Variants in LRRC37A3 observed in about 807,000 individuals in gnomAD.
LRRC37A3 encodes leucine-rich repeat-containing protein 37A3.
In LRRC37A3, 25 loss-of-function variants were observed where a neutral mutation model predicts 106.2. That is an observed-to-expected ratio of 0.24 (90% CI 0.17 to 0.33). The LOEUF is 0.33. Ranked by LOEUF, LRRC37A3 falls within the 10% of genes least tolerant of loss-of-function variation. The probability of loss-of-function intolerance (pLI) is 1.00; values close to 1 mark genes in which losing one functional copy is unlikely to be tolerated. For synonymous variants in LRRC37A3, 305 were observed against 635.8 expected (o/e 0.48, Z 7.83); for missense variants, 712 against 1,644.9 (o/e 0.43, Z 9.81).
intron 11 of LRRC37A3, among the ~76,000 whole-genome samples, chr17:64,861,621 G>A (rs1442676474): frequency 6.6e-6 from 1 of 152,214 alleles, no homozygotes; most frequent in Non-Finnish European, 1.5e-5. Context: ...TTTGGGCAGG[G>A]ATTTGGGGTG....
At chr17:64,919,149 C>G (rs1205364087) in intron 1 of LRRC37A3, among the ~76,000 whole-genome samples, 1 of 151,704 alleles carries the variant, frequency 6.6e-6, no homozygotes, top group Non-Finnish European at 1.5e-5. Flanking sequence ...GCGAGCGGAA[C>G]CCCGGATGGG....
chr17:64,875,202 GGGAGGT>G (rs1973469631), intron 8 of LRRC37A3, among the ~76,000 whole-genome samples: 1 of 152,314 alleles, frequency 6.6e-6, no homozygotes, highest in Non-Finnish European at 1.5e-5. Flanking sequence ...GCTTAAGCCT[GGGAGGT>G]GGAGGCTGCA....
At chr17:64,857,047 T>G (rs1008585299) in intron 13 of LRRC37A3, among the ~76,000 whole-genome samples, 1 of 151,854 alleles carries the variant, frequency 6.6e-6, no homozygotes, top group African/African-American at 2.4e-5. Flanking sequence ...AGTAGAAGTA[T>G]TGGAAAGGAA....
At chr17:64,909,674 A>C (rs1374199264) in intron 2 of LRRC37A3, 1 of 152,400 alleles carries the variant, frequency 6.6e-6, no homozygotes, top group Non-Finnish European at 1.5e-5. Flanking sequence ...AAACTGATGC[A>C]AGGGAAGCAA....
At chr17:64,874,939 C>T (rs1434291915) in intron 8 of LRRC37A3, among the ~76,000 whole-genome samples, 3 of 151,826 alleles carry the variant, frequency 2.0e-5, no homozygotes, top group Admixed American at 6.6e-5. Context: ...ATCTCAAGTA[C>T]CCAGGGACAC....
intron 10 of LRRC37A3, among the ~76,000 whole-genome samples, chr17:64,866,804 T>TAC (rs1306714136): frequency 1.7e-5 from 2 of 119,654 alleles, no homozygotes; most frequent in Non-Finnish European, 3.2e-5. Flanking sequence ...CTGATTTTTA[T>TAC]ATATATATAT....
chr17:64,873,070 T>C (rs1248893700), intron 8 of LRRC37A3, among the ~76,000 whole-genome samples: 1 of 151,954 alleles, frequency 6.6e-6, no homozygotes, highest in African/African-American at 2.4e-5. Context: ...TGACATATAA[T>C]GCGAGACTTT....
In LRRC37A3 at chr17:64,896,741, G is replaced by C. The variant is rs747009810; in HGVS notation, c.517C>G (p.Pro173Ala). The C allele has an allele frequency of 6.2e-7, 1 of 1,603,916 alleles. No individual in the cohort carries two copies. Among genetic ancestry groups the C allele is most frequent in the Non-Finnish European group, 8.5e-7 (1 of 1,179,956 alleles). Residue 173 changes from proline to alanine, a missense_variant, in exon 4 of 15, where the codon CCT becomes GCT. Pro to Ala is a conservative substitution (Grantham distance 27). Coordinates refer to ENST00000584306, the MANE Select transcript of LRRC37A3 (RefSeq NM_199340.5). Reference sequence around the variant, plus strand: ...TGCAAAGTCTGTTTCTGACTCTGAGGTGTGGATAATTGGTGTATAATTCCA... The same window carrying C: ...TGCAAAGTCTGTTTCTGACTCTGAGCTGTGGATAATTGGTGTATAATTCCA... The part of the protein sequence containing the change: ...IIGIIHQLST[P>A]QSQKQTLQNE...
In LRRC37A3 at chr17:64,860,916, C is replaced by A; in HGVS notation, c.3230G>T (p.Arg1077Leu). 1 of 1,614,070 alleles carries A rather than the reference C, an allele frequency of 6.2e-7. No homozygotes were observed. The highest frequency in any genetic ancestry group is 8.5e-7 in the Non-Finnish European group (1 of 1,179,956). Residue 1077 changes from arginine (R) to leucine (L), a missense_variant, in exon 12 of 15, where the codon CGG becomes CTG. Transcript: ENST00000584306. ...EGAFMKVLQA[R>L]KNYTSTELII... Reference sequence around the variant, plus strand: ...CAGCTCAGTGCTTGTGTAATTCTTCCGGGCTTGTAACACCTTCATGAACGC... The same window carrying A: ...CAGCTCAGTGCTTGTGTAATTCTTCAGGGCTTGTAACACCTTCATGAACGC...
At position 64,917,384 on chromosome 17, in the gene LRRC37A3, T is replaced by C. The variant is rs562956383; in HGVS notation, c.-496+1366A>G. Among the ~76,000 whole-genome samples the C allele has an allele frequency of 3.9e-4, 59 of 151,876 alleles. No individual in the cohort carries two copies. In the East Asian group the frequency reaches 0.01, roughly 26 times the overall value. On this transcript the variant is annotated intron_variant, in intron 2 of 14. Transcript: ENST00000584306. ...TTGGAAAACAGTTTTGGCAGTTTCT[T>C]ATAAACATACAACCCAGAAATCATA...
Position 64,860,454 on chromosome 17 carries a change from A to G in LRRC37A3, c.3692T>C (p.Val1231Ala), listed in dbSNP as rs1972829514. Residue 1231 changes from valine (V) to alanine (A), a missense_variant, in exon 12 of 15, where the codon GTC (valine) becomes GCC (alanine). Val to Ala is a moderately conservative substitution (Grantham distance 64). Coordinates refer to ENST00000584306, the MANE Select transcript of LRRC37A3 (RefSeq NM_199340.5). The part of the protein sequence containing the change: ...QGPEKLAGNA[V>A]YTKPSFTQEH... Reference sequence around the variant, plus strand: ...TTGGGTGAACGAAGGCTTGGTGTAGACGGCGTTTCCCGCTAACTTCTCAGG... The same window carrying G: ...TTGGGTGAACGAAGGCTTGGTGTAGGCGGCGTTTCCCGCTAACTTCTCAGG... 1 of 1,613,536 alleles carries G rather than the reference A, an allele frequency of 6.2e-7. No homozygotes were observed. The highest frequency in any genetic ancestry group is 1.3e-5 in the African/African-American group (1 of 74,812).
intron 13 of LRRC37A3, among the ~76,000 whole-genome samples, chr17:64,857,851 G>T (rs2143361411): frequency 6.6e-6 from 1 of 152,334 alleles, no homozygotes; most frequent in South Asian, 2.1e-4. Context: ...GGCTGCTGTG[G>T]CTGGAATGGA....
chr17:64,870,879 C>T lies in LRRC37A3; in HGVS notation c.2907-1713G>A, dbSNP rs185188416. On this transcript the variant is annotated intron_variant, in intron 8 of 14. Transcript: ENST00000584306. ...CTCCTCTCCCCTTCACTCCCCTCCC[C>T]TCCCCACCCAAACAGGGTCTTGCTC... 2.2e-4 allele frequency among the ~76,000 whole-genome samples: 33 copies of T among 151,726 alleles called. No homozygotes were observed. In the East Asian group the frequency reaches 5.6e-3, roughly 26 times the overall value.
chr17:64,884,342 A>G (rs1973804141), intron 8 of LRRC37A3, among the ~76,000 whole-genome samples: 2 of 151,578 alleles, frequency 1.3e-5, no homozygotes, highest in African/African-American at 2.4e-5. Flanking sequence ...GATGATGACG[A>G]TGATGATTAT....
intron 10 of LRRC37A3, among the ~76,000 whole-genome samples, chr17:64,866,802 TA>T (rs1459183032): frequency 9.7e-6 from 1 of 102,598 alleles, no homozygotes; most frequent in African/African-American, 6.3e-5. Context: ...GGCTGATTTT[TA>T]TATATATATA....
At chr17:64,918,296 T>C (rs1289349199) in intron 2 of LRRC37A3, among the ~76,000 whole-genome samples, 1 of 151,188 alleles carries the variant, frequency 6.6e-6, no homozygotes, top group Non-Finnish European at 1.5e-5. Context: ...ACAGTTCCAT[T>C]AAATTGGGAT....
intron 2 of LRRC37A3, among the ~76,000 whole-genome samples, chr17:64,916,302 G>A (rs1193221252): frequency 6.6e-6 from 1 of 152,108 alleles, no homozygotes; most frequent in Non-Finnish European, 1.5e-5. Context: ...CTACTTGGGA[G>A]GCTGAGGCAG....
At chr17:64,910,631 TCCC>T (rs1336595493) in intron 2 of LRRC37A3, among the ~76,000 whole-genome samples, 124 of 125,776 alleles carry the variant, frequency 9.9e-4, no homozygotes, top group Non-Finnish European at 1.5e-3. Flanking sequence ...AGTAACATTG[TCCC>T]CCCTTTTTTT....
rs746874312 is a variant in LRRC37A3, at chr17:64,860,900, G to C, written c.3246C>G (p.Ser1082Arg). The change falls in exon 12 of 15, where the codon AGC becomes AGG. Residue 1082 changes from serine to arginine, a missense_variant. Transcript: ENST00000584306. ...CCTCCGGCTCAATAATCAGCTCAGTGCTTGTGTAATTCTTCCGGGCTTGTA... is the reference window on the plus strand; with the variant it reads ...CCTCCGGCTCAATAATCAGCTCAGTCCTTGTGTAATTCTTCCGGGCTTGTA... ...KVLQARKNYT[S>R]TELIIEPEEP... The C allele has an allele frequency of 3.7e-6, 6 of 1,614,150 alleles. No homozygotes were observed. In the South Asian group the frequency reaches 5.5e-5, roughly 15 times the overall value.
Sources: allele counts gnomAD v4.1 joint callset (sites outside exome capture counted in the v4.1 genomes callset), GRCh38; gene constraint gnomAD v4.1.1; transcripts MANE v1.5; gene names NCBI Gene and HGNC (gene_info 2026-07-23, HGNC 2026-07-21).